Variants in AGMAT observed in about 807,000 individuals in gnomAD.
AGMAT encodes agmatinase (putative), also known as guanidino acid hydrolase, mitochondrial.
A neutral mutation model predicts 29.3 loss-of-function variants in AGMAT; 37 were observed. The observed-to-expected ratio is 1.26, with a 90% confidence interval of 0.97 to 1.66. AGMAT has a LOEUF of 1.66. Among genes scored for constraint, AGMAT ranks in the 40% most tolerant of loss-of-function variants. The pLI, the probability that AGMAT is intolerant of heterozygous loss-of-function variation, is 0.00. For missense variants in AGMAT, 498 were observed against 497.8 expected (o/e 1.00, Z 0.00); for synonymous variants, 199 against 200.8 (o/e 0.99, Z 0.08).
Position 15,573,571 on chromosome 1 carries a change from G to A in AGMAT, c.*80C>T, listed in dbSNP as rs1255537752. The A allele has an allele frequency of 7.3e-7, 1 of 1,361,344 alleles. No homozygotes were observed. Among genetic ancestry groups the A allele is most frequent in the East Asian group, 2.3e-5 (1 of 43,480 alleles). 84.3% of individuals were successfully genotyped at this position (1,361,344 alleles called of 1,614,324 possible). On this transcript the variant is annotated 3_prime_UTR_variant, in exon 7 of 7. Transcript: ENST00000375826. ...AAGTTTTCTTGGCATAAACTCTTTAGTTCTCAGACTGCTTACTCATAAGTT... is the reference window on the plus strand; with the variant it reads ...AAGTTTTCTTGGCATAAACTCTTTAATTCTCAGACTGCTTACTCATAAGTT...
At position 15,584,694 on chromosome 1, in the gene AGMAT, AC is replaced by A; in HGVS notation, c.272+1del. On this transcript the variant is annotated splice_donor_variant, in intron 1 of 6. Transcript: ENST00000375826. LOFTEE classifies it high-confidence loss of function. ...ACCCGGCCCCCGTCCTTCCGGCCTTACCTCGCCCCAGGCCGGTTGGAGGTCC... is the reference window on the plus strand; with the variant it reads ...ACCCGGCCCCCGTCCTTCCGGCCTTACTCGCCCCAGGCCGGTTGGAGGTCC... 7.6e-7 allele frequency: 1 copy of A among 1,321,438 alleles called. No individual in the cohort carries two copies. Among genetic ancestry groups the A allele is most frequent in the Non-Finnish European group, 9.7e-7 (1 of 1,030,218 alleles). 81.9% of individuals were successfully genotyped at this position (1,321,438 alleles called of 1,614,324 possible).
In AGMAT at chr1:15,574,791, A is replaced by T. The variant is rs1639008347; in HGVS notation, c.951T>A (p.Asp317Glu). 1.2e-6 allele frequency: 2 copies of T among 1,614,022 alleles called. No individual in the cohort carries two copies. The highest frequency in any genetic ancestry group is 1.7e-6 in the Non-Finnish European group (2 of 1,179,938). The change falls in exon 6 of 7, where the codon GAT (aspartate) becomes GAA (glutamate). Residue 317 changes from aspartate to glutamate, a missense_variant. Asp to Glu is a conservative substitution (Grantham distance 45). Transcript: ENST00000375826. ...GCQGLNVMGC[D>E]LVEVSPPYDL... ...CATACGGTGGTGAAACTTCGACAAGATCACAGCCCATCACGTTCAGGCCTT... is the reference window on the plus strand; with the variant it reads ...CATACGGTGGTGAAACTTCGACAAGTTCACAGCCCATCACGTTCAGGCCTT...
Position 15,579,035 on chromosome 1 carries a change from G to A in AGMAT, c.544C>T (p.Leu182=). The A allele has an allele frequency of 1.2e-6, 2 of 1,613,998 alleles. No homozygotes were observed. Among genetic ancestry groups the A allele is most frequent in the Non-Finnish European group, 1.7e-6 (2 of 1,179,974 alleles). Reference sequence around the variant, plus strand: ...GTGTCCGTGTGCGCATCCACGTGCAGCAGCCCCACTGGGCCATGCCTGATG... The same window carrying A: ...GTGTCCGTGTGCGCATCCACGTGCAACAGCCCCACTGGGCCATGCCTGATG... ...MAKKHGPVGL[L]HVDAHTDTTD... The change falls in exon 4 of 7, where the codon CTG becomes TTG. Residue 182 remains leucine (L), a synonymous_variant. Transcript: ENST00000375826.
At position 15,583,291 on chromosome 1, in the gene AGMAT, T is replaced by A; in HGVS notation, c.377A>T (p.Asp126Val). Residue 126 changes from aspartate (D) to valine (V), a missense_variant, in exon 2 of 7, where the codon GAT (aspartate) becomes GTT (valine). Asp to Val is a radical substitution (Grantham distance 152). Coordinates refer to ENST00000375826, the MANE Select transcript of AGMAT (RefSeq NM_024758.5). ...FQSLMVADLG[D>V]VNVNLYNLQD... ...AAGGTTGTAAAGATTGACATTCACA[T>A]CGCCTAGGTCTGCAACCATGAGGGA... 1 of 1,614,106 alleles carries A rather than the reference T, an allele frequency of 6.2e-7. No individual in the cohort carries two copies. Among genetic ancestry groups the A allele is most frequent in the Non-Finnish European group, 8.5e-7 (1 of 1,180,012 alleles).
intron 2 of AGMAT, among the ~76,000 whole-genome samples, chr1:15,581,854 C>CA (rs543300169): frequency 0.015 from 2,084 of 140,346 alleles, 27 homozygotes; most frequent in African/African-American, 0.024. Context: ...AACTCTGTCT[C>CA]AAAAAAAAAA....
Position 15,584,742 on chromosome 1 carries a change from T to G in AGMAT, c.226A>C (p.Ile76Leu). Residue 76 changes from isoleucine (I) to leucine (L), a missense_variant, in exon 1 of 7, where the codon ATC (isoleucine) becomes CTC (leucine). By Grantham distance (5) the Ile-to-Leu change is conservative. Coordinates refer to ENST00000375826, the MANE Select transcript of AGMAT (RefSeq NM_024758.5). ...TSPEGLDAAF[I>L]GVPLDTGTSN... ...GTCCCAGTATCCAGGGGCACCCCGA[T>G]GAAGGCAGCGTCCAGCCCCTCGGGG... 7.4e-7 allele frequency: 1 copy of G among 1,347,584 alleles called. No individual in the cohort carries two copies. The highest frequency in any genetic ancestry group is 9.6e-7 in the Non-Finnish European group (1 of 1,044,256). 83.5% of individuals were successfully genotyped at this position (1,347,584 alleles called of 1,614,324 possible).
Position 15,578,913 on chromosome 1 carries a change from A to G in AGMAT, c.666T>C (p.Ile222=), listed in dbSNP as rs1639075194. Residue 222 remains isoleucine, a synonymous_variant, in exon 4 of 7, where the codon ATT becomes ATC. Coordinates refer to ENST00000375826, the MANE Select transcript of AGMAT (RefSeq NM_024758.5). ...GLLDCKRVVQ[I]GIRGSSTTLD... Reference sequence around the variant, plus strand: ...AGGTCGTGGAAGAGCCCCGGATGCCAATCTGCACCACACGCTTACAGTCCA... The same window carrying G: ...AGGTCGTGGAAGAGCCCCGGATGCCGATCTGCACCACACGCTTACAGTCCA... 1.2e-6 allele frequency: 2 copies of G among 1,614,008 alleles called. No homozygotes were observed. Among genetic ancestry groups the G allele is most frequent in the African/African-American group, 2.7e-5 (2 of 74,906 alleles).
intron 3 of AGMAT, 23 bp downstream of exon 3, chr1:15,580,071 G>T: frequency 6.2e-7 from 1 of 1,611,240 alleles, no homozygotes; most frequent in Non-Finnish European, 8.5e-7. Flanking sequence ...AATCTTGCTG[G>T]GCCCAAGCCA....
intron 5 of AGMAT, 197 bp from the exon 6 acceptor site, chr1:15,575,038 C>T (rs1639018055): frequency 5.9e-6 from 3 of 507,974 alleles, no homozygotes; most frequent in Non-Finnish European, 1.1e-5. Context: ...CTCCTCAGGG[C>T]TGCATGGTGT....
rs1398666230 is a variant in AGMAT at position 15,572,207 on chromosome 1, T to C, written c.*1444A>G. 1 of 140,758 alleles carries C rather than the reference T, an allele frequency of 7.1e-6. No individual in the cohort carries two copies. The highest frequency in any genetic ancestry group is 1.5e-5 in the Non-Finnish European group (1 of 65,734). The allele number at this position is 140,758 out of a possible 1,614,324, so 8.7% of individuals were successfully genotyped here. A position where few individuals can be genotyped will look rare whatever the true frequency, so the allele number is the denominator to read the frequency against. Reference sequence around the variant, plus strand: ...TCCAGTTTTGTTTTGTTTTCTGGGGTTTTTTTGTTTTGTTTTGTTTTGTTT... The same window carrying C: ...TCCAGTTTTGTTTTGTTTTCTGGGGCTTTTTTGTTTTGTTTTGTTTTGTTT... On this transcript the variant is annotated 3_prime_UTR_variant, in exon 7 of 7. Coordinates refer to ENST00000375826, the MANE Select transcript of AGMAT (RefSeq NM_024758.5).
At chr1:15,576,737 G>GGTCTTTTTGTTTTTT (rs1639043406) in intron 5 of AGMAT, among the ~76,000 whole-genome samples, 1 of 31,586 alleles carries the variant, frequency 3.2e-5, no homozygotes, top group Non-Finnish European at 6.5e-5. Context: ...CAAGTTTAGT[G>GGTCTTTTTGTTTTTT]TTCTTTTTTT....
chr1:15,576,849 A>T (rs1456659845), intron 5 of AGMAT, among the ~76,000 whole-genome samples: 1 of 141,162 alleles, frequency 7.1e-6, no homozygotes, highest in East Asian at 2.2e-4. Context: ...TCCCGGGTTC[A>T]TGCCATTCTC....
At position 15,571,911 on chromosome 1, in the gene AGMAT, A is replaced by G. The variant is rs758014443; in HGVS notation, c.*1740T>C. Reference sequence around the variant, plus strand: ...GAAGAGTAGATTGAGTCTTACAGGAAGTGAGTTACAATAAGTAACATTAAG... The same window carrying G: ...GAAGAGTAGATTGAGTCTTACAGGAGGTGAGTTACAATAAGTAACATTAAG... On this transcript the variant is annotated 3_prime_UTR_variant, in exon 7 of 7. Transcript: ENST00000375826. Among the ~76,000 whole-genome samples, 19 of 152,158 alleles carry G rather than the reference A, an allele frequency of 1.2e-4. No homozygotes were observed. Among genetic ancestry groups the G allele is most frequent in the Non-Finnish European group, 2.4e-4 (16 of 68,030 alleles).
intron 3 of AGMAT, 77 bp downstream of exon 3, chr1:15,580,017 C>T: frequency 7.2e-7 from 1 of 1,393,944 alleles, no homozygotes; most frequent in Non-Finnish European, 1.0e-6. Flanking sequence ...TCACCTAATG[C>T]CACCAAACAG....
chr1:15,576,737 G>GTTTT (rs1420717123), intron 5 of AGMAT, among the ~76,000 whole-genome samples: 4 of 31,586 alleles, frequency 1.3e-4, no homozygotes, highest in African/African-American at 1.9e-4. Flanking sequence ...CAAGTTTAGT[G>GTTTT]TTCTTTTTTT....
At chr1:15,580,579 A>G (rs1639099427) in intron 2 of AGMAT, among the ~76,000 whole-genome samples, 1 of 152,118 alleles carries the variant, frequency 6.6e-6, no homozygotes, top group South Asian at 2.1e-4. Context: ...GATCTTATAG[A>G]ATGGCAGGAT....
In AGMAT at chr1:15,579,715, C is replaced by T. The variant is rs1639087139; in HGVS notation, c.524+379G>A. ...TGCCCTTTCAGGAGGAAACAAGGGC[C>T]TCTCAGCAAGGTCCACCATTGTGCC... is the stretch of plus-strand genomic sequence containing the variant. On this transcript the variant is annotated intron_variant, in intron 3 of 6. Coordinates refer to ENST00000375826, the MANE Select transcript of AGMAT (RefSeq NM_024758.5). Among the ~76,000 whole-genome samples the T allele has an allele frequency of 2.0e-5, 3 of 152,184 alleles. No individual in the cohort carries two copies. In the South Asian group the frequency reaches 6.2e-4, roughly 32 times the overall value.
chr1:15,583,539 G>A, intron 1 of AGMAT, 144 bp from the exon 2 acceptor site: 2 of 802,980 alleles, frequency 2.5e-6, no homozygotes, highest in Non-Finnish European at 3.9e-6. Flanking sequence ...GCAGCATCCC[G>A]GCCTGTACTC....
rs1570939003 is a variant in AGMAT at position 15,573,594 on chromosome 1, GTTC to G, written c.*54_*56del. Reference sequence around the variant, plus strand: ...TAGTTCTCAGACTGCTTACTCATAAGTTCTTCTTGAGAACTTGTCAGCGACGCA... The same window carrying G: ...TAGTTCTCAGACTGCTTACTCATAAGTTCTTGAGAACTTGTCAGCGACGCA... On this transcript the variant is annotated 3_prime_UTR_variant, in exon 7 of 7. Transcript: ENST00000375826. The G allele has an allele frequency of 2.3e-5, 36 of 1,533,298 alleles. No individual in the cohort carries two copies. Among genetic ancestry groups the G allele is most frequent in the East Asian group, 1.4e-4 (6 of 44,432 alleles). The allele number at this position is 1,533,298 out of a possible 1,614,324, so 95.0% of individuals were successfully genotyped here. A position where few individuals can be genotyped will look rare whatever the true frequency, so the allele number is the denominator to read the frequency against.
Sources: allele counts gnomAD v4.1 joint callset (sites outside exome capture counted in the v4.1 genomes callset), GRCh38; gene constraint gnomAD v4.1.1; transcripts MANE v1.5; gene names NCBI Gene and HGNC (gene_info 2026-07-23, HGNC 2026-07-21).